Variants in AIFM2 observed in about 807,000 individuals in gnomAD.
AIFM2 encodes the protein ferroptosis suppressor protein 1.
Under a neutral mutation model 35.7 loss-of-function variants are expected in AIFM2, and 38 were observed. The ratio of observed to expected loss-of-function variants is 1.06; its 90% CI spans 0.82 to 1.39. The LOEUF (loss-of-function observed/expected upper bound fraction) is 1.39. Among genes scored for constraint, AIFM2 ranks in the 40% most tolerant of loss-of-function variants. The pLI is 0.00. For missense variants in AIFM2, 476 were observed against 491.2 expected, an observed-to-expected ratio of 0.97 and a Z score of 0.29; for synonymous variants, 185 against 203.5, an observed-to-expected ratio of 0.91 and a Z score of 0.77.
chr10:70,124,754 C>CA (rs758229712), intron 1 of AIFM2, among the ~76,000 whole-genome samples: 3 of 152,172 alleles, frequency 2.0e-5, no homozygotes, highest in Non-Finnish European at 4.4e-5. Context: ...AAAGGAACAA[C>CA]AAAAAACATT....
In AIFM2 at chr10:70,117,770, C is replaced by T; in HGVS notation, c.616+42G>A. 2.0e-6 allele frequency: 3 copies of T among 1,531,052 alleles called. No homozygotes were observed. Among genetic ancestry groups the T allele is most frequent in the South Asian group, 2.4e-5 (2 of 84,776 alleles). The allele number at this position is 1,531,052 out of a possible 1,614,324, so 94.8% of individuals were successfully genotyped here. A position where few individuals can be genotyped will look rare whatever the true frequency, so the allele number is the denominator to read the frequency against. On this transcript the variant is annotated intron_variant, in intron 6 of 8. Coordinates refer to ENST00000307864, the MANE Select transcript of AIFM2 (RefSeq NM_032797.6). The surrounding 1 kb of genome is among the most constrained non-coding windows in gnomAD (Gnocchi z 4.7). ...ACCAAGCCTCCAAGCCACATCTCAC[C>T]AGGCCAGGGCAGGGCAGGGAGGGAG...
intron 8 of AIFM2, 93 bp from the exon 9 acceptor site, chr10:70,114,422 T>C: frequency 2.7e-6 from 4 of 1,499,702 alleles, no homozygotes; most frequent in Non-Finnish European, 3.6e-6. Context: ...GCCTTCAGAC[T>C]CAGGGCCGGA....
rs1304813987 is a variant in AIFM2 at position 70,117,785 on chromosome 10, C to G, written c.616+27G>C. 6.3e-7 allele frequency: 1 copy of G among 1,575,752 alleles called. No homozygotes were observed. Among genetic ancestry groups the G allele is most frequent in the South Asian group, 1.1e-5 (1 of 88,352 alleles). On this transcript the variant is annotated intron_variant, in intron 6 of 8. Transcript: ENST00000307864. This position sits in a 1 kb window ranked among gnomAD's most constrained non-coding sequence, Gnocchi z 4.7. ...CACATCTCACCAGGCCAGGGCAGGG[C>G]AGGGAGGGAGGTGAGGGTGCACGTA...
At chr10:70,123,877 C>A (rs766299547) in intron 2 of AIFM2, 30 bp downstream of exon 2, 24 of 1,504,666 alleles carry the variant, frequency 1.6e-5, no homozygotes, top group Non-Finnish European at 2.0e-5. Flanking sequence ...ACCCCCCTCA[C>A]AGAGACAGCC....
In AIFM2 at chr10:70,114,202, T is replaced by A. The variant is rs746426577; in HGVS notation, c.1098A>T (p.Lys366Asn). The A allele has an allele frequency of 6.2e-7, 1 of 1,613,390 alleles. No homozygotes were observed. The highest frequency in any genetic ancestry group is 8.5e-7 in the Non-Finnish European group (1 of 1,179,778). Residue 366 changes from lysine (K) to asparagine (N), a missense_variant, in exon 9 of 9, where the codon AAA (lysine) becomes AAT (asparagine). By Grantham distance (94) the Lys-to-Asn change is moderately conservative. Transcript: ENST00000307864. Reference sequence around the variant, plus strand: ...ATCAAGGTGGAGACTGCCTCATGGTTTTCCAGCTCGTAGAGACGAACAGGT... The same window carrying A: ...ATCAAGGTGGAGACTGCCTCATGGTATTCCAGCTCGTAGAGACGAACAGGT... The part of the protein sequence containing the change: ...SRDLFVSTSW[K>N]TMRQSPP
Position 70,125,818 on chromosome 10 carries a change from C to G in AIFM2, c.-13-1721G>C, listed in dbSNP as rs76028024. On this transcript the variant is annotated intron_variant, in intron 1 of 8. Transcript: ENST00000307864. ...AGATGGTATATAAGCTTCTGTACCT[C>G]TTTTGGGGGTCGGGTCTTCCTTCTG... 9.6e-3 allele frequency among the ~76,000 whole-genome samples: 1,465 copies of G among 152,292 alleles called. 17 individuals carry two copies. Among genetic ancestry groups the G allele is most frequent in the African/African-American group, 0.025 (1,042 of 41,574 alleles).
chr10:70,117,745 AC>A lies in AIFM2; in HGVS notation c.616+66del, dbSNP rs1195533269. On this transcript the variant is annotated intron_variant, in intron 6 of 8. Transcript: ENST00000307864. This position sits in a 1 kb window ranked among gnomAD's most constrained non-coding sequence, Gnocchi z 4.7. ...AGCCACCCTCCTGCTGGAAGCAGTC[AC>A]CAAGCCTCCAAGCCACATCTCACCA... 4.5e-6 allele frequency: 6 copies of A among 1,345,784 alleles called. No individual in the cohort carries two copies. The highest frequency in any genetic ancestry group is 6.1e-6 in the Non-Finnish European group (6 of 977,270). The allele number at this position is 1,345,784 out of a possible 1,614,324, so 83.4% of individuals were successfully genotyped here.
chr10:70,114,430 G>A (rs531508018), intron 8 of AIFM2, 101 bp from the exon 9 acceptor site: 35 of 1,459,652 alleles, frequency 2.4e-5, no homozygotes, highest in Middle Eastern at 1.7e-4. Context: ...ACTCAGGGCC[G>A]GAAATGTGAA....
At position 70,113,974 on chromosome 10, in the gene AIFM2, G is replaced by A. The variant is rs2072404375; in HGVS notation, c.*204C>T. On this transcript the variant is annotated 3_prime_UTR_variant, in exon 9 of 9. Coordinates refer to ENST00000307864, the MANE Select transcript of AIFM2 (RefSeq NM_032797.6). ...ACAGCAAGCACACCTTCCAAACCCA[G>A]AAAGTATCCTCTAAGGGGGGTATTT... 1.5e-6 allele frequency: 1 copy of A among 654,124 alleles called. No homozygotes were observed. Among genetic ancestry groups the A allele is most frequent in the Non-Finnish European group, 2.5e-6 (1 of 407,362 alleles). 40.5% of individuals were successfully genotyped at this position (654,124 alleles called of 1,614,324 possible).
intron 5 of AIFM2, 81 bp from the exon 6 acceptor site, chr10:70,118,001 C>T (rs1273183343): frequency 2.1e-6 from 2 of 955,870 alleles, no homozygotes; most frequent in Non-Finnish European, 3.3e-6. Context: ...TCCACCTCCA[C>T]TCATACCTCC....
chr10:70,119,093 C>T (rs1186715353), intron 5 of AIFM2, among the ~76,000 whole-genome samples: 1 of 152,186 alleles, frequency 6.6e-6, no homozygotes, highest in African/African-American at 2.4e-5. Flanking sequence ...GGTTGGTGAA[C>T]ATGTCCACAT....
rs979846962 is a variant in AIFM2, at chr10:70,132,804, C to A, written c.-84G>T. The A allele has an allele frequency of 1.3e-5, 2 of 151,356 alleles. No homozygotes were observed. Among genetic ancestry groups the A allele is most frequent in the South Asian group, 1.9e-4 (1 of 5,370 alleles). 9.4% of individuals were successfully genotyped at this position (151,356 alleles called of 1,614,324 possible). A position where few individuals can be genotyped will look rare whatever the true frequency, so the allele number is the denominator to read the frequency against. On this transcript the variant is annotated 5_prime_UTR_variant, in exon 1 of 9. Coordinates refer to ENST00000307864, the MANE Select transcript of AIFM2 (RefSeq NM_032797.6). Reference sequence around the variant, plus strand: ...TCCCGCTCCCGCTTGGTCGTCTTCCCGAGTTACTGACCCGAGGCGCTCCCG... The same window carrying A: ...TCCCGCTCCCGCTTGGTCGTCTTCCAGAGTTACTGACCCGAGGCGCTCCCG...
intron 5 of AIFM2, among the ~76,000 whole-genome samples, chr10:70,119,958 G>A (rs980164744): frequency 2.6e-5 from 4 of 152,230 alleles, no homozygotes; most frequent in Non-Finnish European, 5.9e-5. Context: ...TCCCACCCAT[G>A]GGCAGAAGGC....
In AIFM2 at chr10:70,113,352, C is replaced by T. The variant is rs2072398982; in HGVS notation, c.*826G>A. 6.6e-6 allele frequency: 1 copy of T among 152,178 alleles called. No homozygotes were observed. The highest frequency in any genetic ancestry group is 2.4e-5 in the African/African-American group (1 of 41,438). 9.4% of individuals were successfully genotyped at this position (152,178 alleles called of 1,614,324 possible). A position where few individuals can be genotyped will look rare whatever the true frequency, so the allele number is the denominator to read the frequency against. ...CCAGCCTGGCCAACACAGTGAAACC[C>T]CGTCTCTATTTAAAAAATACAAAAA... On this transcript the variant is annotated 3_prime_UTR_variant, in exon 9 of 9. Transcript: ENST00000307864.
rs1368953625 is a variant in AIFM2, at chr10:70,113,753, C to T, written c.*425G>A. 1 of 159,808 alleles carries T rather than the reference C, an allele frequency of 6.3e-6. No homozygotes were observed. The highest frequency in any genetic ancestry group is 1.9e-4 in the East Asian group (1 of 5,338). The allele number at this position is 159,808 out of a possible 1,614,324, so 9.9% of individuals were successfully genotyped here. A position where few individuals can be genotyped will look rare whatever the true frequency, so the allele number is the denominator to read the frequency against. ...TTGTTCTCAATGTGCAGCTCTCCTT[C>T]CTGCCCTCACAGACAGACACTGGCC... On this transcript the variant is annotated 3_prime_UTR_variant, in exon 9 of 9. Coordinates refer to ENST00000307864, the MANE Select transcript of AIFM2 (RefSeq NM_032797.6).
At chr10:70,124,865 G>A (rs917147221) in intron 1 of AIFM2, among the ~76,000 whole-genome samples, 3 of 152,176 alleles carry the variant, frequency 2.0e-5, no homozygotes, top group Non-Finnish European at 2.9e-5. Context: ...AGCAGGTTAC[G>A]ACAAGAATCC....
intron 1 of AIFM2, among the ~76,000 whole-genome samples, chr10:70,126,778 G>A (rs375153226): frequency 2.0e-5 from 3 of 152,280 alleles, no homozygotes; most frequent in South Asian, 2.1e-4. Flanking sequence ...ACAGTAGAGC[G>A]GACGGAGGGC....
At chr10:70,121,399 A>G (rs1025455152) in intron 3 of AIFM2, among the ~76,000 whole-genome samples, 188 bp from the exon 4 acceptor site, 1 of 152,148 alleles carries the variant, frequency 6.6e-6, no homozygotes, top group Non-Finnish European at 1.5e-5. Flanking sequence ...TGGTTAGCCC[A>G]AAGGATGGCA....
intron 5 of AIFM2, chr10:70,118,156 C>T: frequency 2.2e-6 from 1 of 461,914 alleles, no homozygotes; most frequent in South Asian, 2.9e-5. Context: ...AGAGGACTAC[C>T]AATATGCCAA....
Sources: gnomAD v4.1 joint callset for allele counts (sites outside exome capture counted in the v4.1 genomes callset) on GRCh38, gnomAD v4.1.1 for gene constraint, Gnocchi (gnomAD v3.1) non-coding constraint, MANE v1.5 for transcripts, NCBI Gene and HGNC (gene_info 2026-07-23, HGNC 2026-07-21) for gene names.